C5: variants seen among roughly 807,000 people sequenced by gnomAD.
C5 encodes complement C5, also known as C3 and PZP-like alpha-2-macroglobulin domain-containing protein 4.
A neutral mutation model predicts 218.8 loss-of-function variants in C5; 140 were observed. The ratio of observed to expected loss-of-function variants is 0.64; its 90% CI spans 0.56 to 0.74. The LOEUF is 0.74. Ranked by LOEUF, C5 falls within the 30% of genes least tolerant of loss-of-function variation. C5 has a pLI of 0.00. For missense variants in C5, 1,700 were observed against 1,969.6 expected, an observed-to-expected ratio of 0.86 and a Z score of 2.59; for synonymous variants, 614 against 682.3, an observed-to-expected ratio of 0.90 and a Z score of 1.56.
At chr9:121,021,261 T>C (rs989982710) in intron 11 of C5, among the ~76,000 whole-genome samples, 2 of 152,218 alleles carry the variant, frequency 1.3e-5, no homozygotes, top group African/African-American at 4.8e-5. Context: ...TAGAGTCTGA[T>C]ATGGTCTTAA....
the C5 span, among the ~76,000 whole-genome samples, chr9:121,069,564 A>G: frequency 6.6e-6 from 1 of 151,392 alleles, no homozygotes; most frequent in African/African-American, 2.4e-5. Context: ...CCCAGGCGGC[A>G]TTGCAGTGGC....
intron 1 of C5, among the ~76,000 whole-genome samples, chr9:121,047,554 T>C (rs1374302237): frequency 6.6e-6 from 1 of 152,172 alleles, no homozygotes; most frequent in Admixed American, 6.5e-5. Flanking sequence ...CTAATTCAAG[T>C]GGCCCAACAA....
At chr9:121,007,036 A>T in intron 18 of C5, 59 bp from the exon 19 acceptor site, 1 of 1,289,862 alleles carries the variant, frequency 7.8e-7, no homozygotes, top group Non-Finnish European at 1.1e-6. Flanking sequence ...CCAACTTAAC[A>T]GAGACATCCA....
At chr9:121,052,189 G>T (rs1209463853), upstream of C5, among the ~76,000 whole-genome samples, 1 of 152,102 alleles carries the variant, frequency 6.6e-6, no homozygotes, top group Non-Finnish European at 1.5e-5. Flanking sequence ...GGGCACGCTG[G>T]CTCACACCTG....
At chr9:120,984,486 T>C (rs2047018194) in intron 25 of C5, among the ~76,000 whole-genome samples, 1 of 152,150 alleles carries the variant, frequency 6.6e-6, no homozygotes, top group East Asian at 1.9e-4. Context: ...TCTCTTCTTT[T>C]AGCAGGCTAG....
Position 120,970,258 on chromosome 9 carries a change from T to A in C5, c.4081-7A>T. On this transcript the variant is annotated splice_polypyrimidine_tract_variant and splice_region_variant and intron_variant, in intron 31 of 40. Transcript: ENST00000223642. ...TGTGAACTACAGTTGTTACCTACAT[T>A]GGGGACAAGTAAGCAAGAAGATTCT... 2 of 1,589,172 alleles carry A rather than the reference T, an allele frequency of 1.3e-6. No individual in the cohort carries two copies. Among genetic ancestry groups the A allele is most frequent in the Non-Finnish European group, 8.6e-7 (1 of 1,157,596 alleles).
intron 17 of C5, among the ~76,000 whole-genome samples, chr9:121,012,275 GA>G (rs571234735): frequency 5.3e-5 from 8 of 151,332 alleles, no homozygotes; most frequent in South Asian, 2.1e-4. Flanking sequence ...AAAATTAAGA[GA>G]AAAAAAAGCC....
In C5 at chr9:120,970,475, G is replaced by A. The variant is rs190984459; in HGVS notation, c.4081-224C>T. On this transcript the variant is annotated intron_variant, in intron 31 of 40. Transcript: ENST00000223642. ...AGTAAGCAAAAAATGACTTCTGGCCGGTCAGAAGCTTGGTCTAAATTCCAT... is the reference window on the plus strand; with the variant it reads ...AGTAAGCAAAAAATGACTTCTGGCCAGTCAGAAGCTTGGTCTAAATTCCAT... 5.3e-5 allele frequency among the ~76,000 whole-genome samples: 8 copies of A among 152,284 alleles called. No individual in the cohort carries two copies. In the East Asian group the frequency reaches 5.8e-4, roughly 11 times the overall value.
In C5 at chr9:120,952,700, C is replaced by A. The variant is rs765374255; in HGVS notation, c.*39G>T. On this transcript the variant is annotated 3_prime_UTR_variant, in exon 41 of 41. Transcript: ENST00000223642. ...AAAAACGAACTTCAACAACAGGAGT[C>A]CATAAGTGCAAACTGTATGCAGCTG... 6.2e-7 allele frequency: 1 copy of A among 1,607,362 alleles called. No homozygotes were observed. The highest frequency in any genetic ancestry group is 1.1e-5 in the South Asian group (1 of 90,682).
intron 31 of C5, among the ~76,000 whole-genome samples, chr9:120,970,720 T>C (rs2046905297): frequency 6.6e-6 from 1 of 152,174 alleles, no homozygotes; most frequent in African/African-American, 2.4e-5. Flanking sequence ...GGCAGAAAAG[T>C]GGACAATCTC....
At chr9:120,986,742 G>A (rs1198191954) in intron 25 of C5, among the ~76,000 whole-genome samples, 1 of 149,426 alleles carries the variant, frequency 6.7e-6, no homozygotes, top group Non-Finnish European at 1.5e-5. Flanking sequence ...TGTGCTGCAG[G>A]GGTCTATGAG....
intron 30 of C5, among the ~76,000 whole-genome samples, chr9:120,973,587 T>C (rs572372053): frequency 6.6e-6 from 1 of 152,358 alleles, no homozygotes; most frequent in South Asian, 2.1e-4. Context: ...TTATTTGAAA[T>C]ATCTGGATCC....
the C5 span, among the ~76,000 whole-genome samples, chr9:121,056,896 G>A: frequency 3.3e-5 from 5 of 152,078 alleles, no homozygotes; most frequent in East Asian, 7.7e-4. Context: ...AAAGAATGCC[G>A]AGCAGATTCA....
rs768907431 is a variant in C5 at position 120,989,663 on chromosome 9, T to C, written c.3059A>G (p.Tyr1020Cys). 43 of 1,613,664 alleles carry C rather than the reference T, an allele frequency of 2.7e-5. No individual in the cohort carries two copies. Among genetic ancestry groups the C allele is most frequent in the Admixed American group, 2.5e-4 (15 of 59,996 alleles). ...AELMSVVPVFYVFHYLETGNH... is the reference protein window; with the variant it reads ...AELMSVVPVFCVFHYLETGNH... Reference sequence around the variant, plus strand: ...TCCTGTTTCCAGGTAGTGAAAAACATAGAATACTGGGACAACGCTCATCAG... The same window carrying C: ...TCCTGTTTCCAGGTAGTGAAAAACACAGAATACTGGGACAACGCTCATCAG... The change falls in exon 24 of 41, where the codon TAT becomes TGT. Residue 1020 changes from tyrosine to cysteine, a missense_variant. Tyr to Cys is a radical substitution (Grantham distance 194). Transcript: ENST00000223642.
rs2046752517 is a variant in C5, at chr9:120,952,630, T to A, written c.*109A>T. Reference sequence around the variant, plus strand: ...CACTAATTCTAAGTAAAGTGAGCTTTACAAATAAGACCAGCTATGAATGTT... The same window carrying A: ...CACTAATTCTAAGTAAAGTGAGCTTAACAAATAAGACCAGCTATGAATGTT... On this transcript the variant is annotated 3_prime_UTR_variant, in exon 41 of 41. Transcript: ENST00000223642. 6.2e-6 allele frequency: 7 copies of A among 1,122,210 alleles called. No individual in the cohort carries two copies. The highest frequency in any genetic ancestry group is 6.5e-6 in the Non-Finnish European group (5 of 763,660). The allele number at this position is 1,122,210 out of a possible 1,614,324, so 69.5% of individuals were successfully genotyped here.
At chr9:121,072,635 T>C in the C5 span, among the ~76,000 whole-genome samples, 1 of 151,764 alleles carries the variant, frequency 6.6e-6, no homozygotes, top group Admixed American at 6.6e-5. Context: ...GGTGAAACTC[T>C]GTTTCTACTA....
intron 25 of C5, among the ~76,000 whole-genome samples, chr9:120,985,956 C>G (rs1206646176): frequency 6.6e-6 from 1 of 152,118 alleles, no homozygotes; most frequent in East Asian, 1.9e-4. Flanking sequence ...ACTAGATGGC[C>G]CGTTACTCAA....
intron 1 of C5, among the ~76,000 whole-genome samples, chr9:121,046,803 A>T (rs2047631750): frequency 6.6e-6 from 1 of 151,900 alleles, no homozygotes; most frequent in East Asian, 1.9e-4. Flanking sequence ...CTGAGGCTAA[A>T]ATAACTTACT....
In C5 at chr9:121,017,895, A is replaced by G. The variant is rs541302552; in HGVS notation, c.1507-43T>C. On this transcript the variant is annotated intron_variant, in intron 12 of 40. Transcript: ENST00000223642. ...CAGCAACAATAAGTAAAAAATAAAC[A>G]AACAAAAACAAAACCTGTGCTTTAG... is the stretch of plus-strand genomic sequence containing the variant. The G allele has an allele frequency of 7.3e-5, 89 of 1,226,252 alleles. No homozygotes were observed. In the Admixed American group the frequency reaches 1.4e-3, roughly 20 times the overall value. The allele number at this position is 1,226,252 out of a possible 1,614,324, so 76.0% of individuals were successfully genotyped here. A position where few individuals can be genotyped will look rare whatever the true frequency, so the allele number is the denominator to read the frequency against.
Sources: allele counts gnomAD v4.1 joint callset (sites outside exome capture counted in the v4.1 genomes callset), GRCh38; gene constraint gnomAD v4.1.1; transcripts MANE v1.5; gene names NCBI Gene and HGNC (gene_info 2026-07-23, HGNC 2026-07-21).